The following TXNIP variants were observed in gnomAD, a reference collection of about 807,000 sequenced individuals.
TXNIP encodes the protein thioredoxin-interacting protein.
In TXNIP, 23 loss-of-function variants were observed where a neutral mutation model predicts 43.9. The ratio of observed to expected loss-of-function variants is 0.52; its 90% CI spans 0.38 to 0.74. The LOEUF is 0.74. Ranked by LOEUF, TXNIP falls within the 30% of genes least tolerant of loss-of-function variation. TXNIP has a pLI of 0.00. For missense variants in TXNIP, 555 were observed against 485.4 expected, an observed-to-expected ratio of 1.14 and a Z score of -1.35; for synonymous variants, 234 against 172.2, an observed-to-expected ratio of 1.36 and a Z score of -2.81.
At position 145,994,983 on chromosome 1, in the gene TXNIP, G is replaced by A. The variant is rs34791738; in HGVS notation, c.520C>T (p.Pro174Ser). 10,630 of 1,614,152 alleles carry A rather than the reference G, an allele frequency of 6.6e-3. 58 individuals are homozygous for A. The highest frequency in any genetic ancestry group is 8.2e-3 in the Non-Finnish European group (9,622 of 1,180,018). The stretch of plus-strand genomic sequence containing the variant: ...GCAGAGACAGACACCCGCCCATCAG[G>A]AATGAACATGCAGGAAACTTTCTTT... ...KEKKVSCMFIPDGRVSVSARI... is the reference protein window; with the variant it reads ...KEKKVSCMFISDGRVSVSARI... The change falls in exon 4 of 8, where the codon CCT (proline) becomes TCT (serine). Residue 174 changes from proline (P) to serine (S), a missense_variant. Pro to Ser is a moderately conservative substitution (Grantham distance 74). Coordinates refer to ENST00000582401, the MANE Select transcript of TXNIP (RefSeq NM_006472.6).
chr1:145,995,111 C>G, intron 3 of TXNIP, 33 bp downstream of exon 3: 1 of 1,613,632 alleles, frequency 6.2e-7, no homozygotes, highest in Non-Finnish European at 8.5e-7. Context: ...TCCTCATGAC[C>G]CAGGAGAATA....
rs1553765925 is a variant in TXNIP, at chr1:145,994,160, G to C, written c.996C>G (p.Pro332=). Residue 332 remains proline (P), a synonymous_variant, in exon 7 of 8, where the codon CCC becomes CCG. Coordinates refer to ENST00000582401, the MANE Select transcript of TXNIP (RefSeq NM_006472.6). The part of the protein sequence containing the change: ...LNIPDTPEAP[P]CYMDVIPEDH... ...CTTCAGGAATGACATCCATATAGCA[G>C]GGAGGAGCTAGAAAAGAAAATATGG... 6.2e-7 allele frequency: 1 copy of C among 1,613,962 alleles called. No homozygotes were observed. The highest frequency in any genetic ancestry group is 1.1e-5 in the South Asian group (1 of 91,062).
In TXNIP at chr1:145,995,328, A is replaced by G. The variant is rs781838486; in HGVS notation, c.324-37T>C. The G allele has an allele frequency of 1.2e-5, 19 of 1,610,338 alleles. No homozygotes were observed. The South Asian group carries it at 1.9e-4, about 16-fold the overall frequency. On this transcript the variant is annotated intron_variant, in intron 2 of 7. Coordinates refer to ENST00000582401, the MANE Select transcript of TXNIP (RefSeq NM_006472.6). ...AAATGAAAATTTTAAAACGCTCTCC[A>G]AGAACAGTAAGTGATCAAAGGAGGG...
At chr1:145,995,083 A>G (rs587666360) in intron 3 of TXNIP, 52 bp from the exon 4 acceptor site, 1 of 1,613,408 alleles carries the variant, frequency 6.2e-7, no homozygotes, top group East Asian at 2.2e-5. Context: ...TCTAATGCCC[A>G]AGACGTCTGA....
intron 1 of TXNIP, 189 bp from the exon 2 acceptor site, chr1:145,995,665 G>C: frequency 1.5e-6 from 1 of 654,136 alleles, no homozygotes; most frequent in Non-Finnish European, 2.7e-6. Flanking sequence ...CGGGCAGCAA[G>C]TTGCCAAGCC....
In TXNIP at chr1:145,993,645, C is replaced by CA. The variant is rs2101959705; in HGVS notation, c.*205dup. 1.8e-6 allele frequency: 1 copy of CA among 570,956 alleles called. No homozygotes were observed. Among genetic ancestry groups the CA allele is most frequent in the African/African-American group, 1.9e-5 (1 of 53,512 alleles). The allele number at this position is 570,956 out of a possible 1,614,324, so 35.4% of individuals were successfully genotyped here. ...ACCCATCCAACAAACACCCCTGTATCACAACATGGGCGCTGGCTGAGGATG... is the reference window on the plus strand; with the variant it reads ...ACCCATCCAACAAACACCCCTGTATCAACAACATGGGCGCTGGCTGAGGATG... On this transcript the variant is annotated 3_prime_UTR_variant, in exon 8 of 8. Coordinates refer to ENST00000582401, the MANE Select transcript of TXNIP (RefSeq NM_006472.6).
At chr1:145,994,504 T>A (rs1553766048) in intron 5 of TXNIP, 40 bp downstream of exon 5, 1 of 1,613,446 alleles carries the variant, frequency 6.2e-7, no homozygotes. Flanking sequence ...TGGTAACAGA[T>A]GAACAATTTC....
chr1:145,994,224 CA>C, intron 6 of TXNIP, 56 bp downstream of exon 6: 4 of 1,612,830 alleles, frequency 2.5e-6, no homozygotes, highest in Non-Finnish European at 3.4e-6. Flanking sequence ...TGGACCATCA[CA>C]ATTTTACAAA....
chr1:145,995,063 G>C, intron 3 of TXNIP, 32 bp from the exon 4 acceptor site: 1 of 1,613,532 alleles, frequency 6.2e-7, no homozygotes, highest in East Asian at 2.2e-5. Flanking sequence ...GGTGTTTTGA[G>C]ATGCTTCAAT....
Position 145,996,120 on chromosome 1 carries a change from G to A in TXNIP, c.147C>T (p.Cys49=), listed in dbSNP as rs1553766561. The A allele has an allele frequency of 2.5e-6, 4 of 1,613,988 alleles. No homozygotes were observed. Among genetic ancestry groups the A allele is most frequent in the South Asian group, 1.1e-5 (1 of 91,070 alleles). Residue 49 remains cysteine (C), a synonymous_variant, in exon 1 of 8, where the codon TGC becomes TGT. Transcript: ENST00000582401. The part of the protein sequence containing the change: ...TRVKAVRILA[C]GVAKVLWMQG... ...GCATCCAAAGCACTTTAGCCACTCC[G>A]CAAGCCAGGATCCTAACGGCTTTGA...
At chr1:145,995,120 T>C (rs587654812) in intron 3 of TXNIP, 24 bp downstream of exon 3, 6 of 1,613,922 alleles carry the variant, frequency 3.7e-6, no homozygotes, top group East Asian at 4.5e-5. Context: ...CCCAGGAGAA[T>C]AGAATCTTTA....
Position 145,994,996 on chromosome 1 carries a change from G to A in TXNIP, c.507C>T (p.Ser169=), listed in dbSNP as rs782818261. ...PVSAKKEKKV[S]CMFIPDGRVS... ...CCCGCCCATCAGGAATGAACATGCA[G>A]GAAACTTTCTTTTCTTTTTTAGCAG... Residue 169 remains serine, a synonymous_variant, in exon 4 of 8, where the codon TCC becomes TCT. Coordinates refer to ENST00000582401, the MANE Select transcript of TXNIP (RefSeq NM_006472.6). 4.3e-6 allele frequency: 7 copies of A among 1,614,122 alleles called. No individual in the cohort carries two copies. The highest frequency in any genetic ancestry group is 1.1e-5 in the South Asian group (1 of 91,088).
rs139816793 is a variant in TXNIP, at chr1:145,993,446, T to TA, written c.*404dup. 1 of 165,286 alleles carries TA rather than the reference T, an allele frequency of 6.1e-6. No individual in the cohort carries two copies. Among genetic ancestry groups the TA allele is most frequent in the Non-Finnish European group, 1.3e-5 (1 of 75,010 alleles). 10.2% of individuals were successfully genotyped at this position (165,286 alleles called of 1,614,324 possible). A position where few individuals can be genotyped will look rare whatever the true frequency, so the allele number is the denominator to read the frequency against. The stretch of plus-strand genomic sequence containing the variant: ...GTTAAATTGGCTCTTCTCCACATGA[T>TA]ACGTAAGTTCAAGGTCCAAAGTTCC... On this transcript the variant is annotated 3_prime_UTR_variant, in exon 8 of 8. Coordinates refer to ENST00000582401, the MANE Select transcript of TXNIP (RefSeq NM_006472.6).
rs1325670923 is a variant in TXNIP at position 145,992,440 on chromosome 1, T to C, written c.*1411A>G. Reference sequence around the variant, plus strand: ...CCAAAGCCATCTCACAGACATTTTTTTTTCCATTAAAAAAACTTTATTTTC... The same window carrying C: ...CCAAAGCCATCTCACAGACATTTTTCTTTCCATTAAAAAAACTTTATTTTC... On this transcript the variant is annotated 3_prime_UTR_variant, in exon 8 of 8. Coordinates refer to ENST00000582401, the MANE Select transcript of TXNIP (RefSeq NM_006472.6). 1 of 152,518 alleles carries C rather than the reference T, an allele frequency of 6.6e-6. No individual in the cohort carries two copies. Among genetic ancestry groups the C allele is most frequent in the East Asian group, 1.9e-4 (1 of 5,198 alleles). 9.4% of individuals were successfully genotyped at this position (152,518 alleles called of 1,614,324 possible).
chr1:145,994,201 G>GC, intron 6 of TXNIP, 34 bp from the exon 7 acceptor site: 1 of 1,612,936 alleles, frequency 6.2e-7, no homozygotes, highest in Non-Finnish European at 8.5e-7. Flanking sequence ...TAAGAATCCT[G>GC]CCCAAGAAAT....
intron 4 of TXNIP, 39 bp from the exon 5 acceptor site, chr1:145,994,839 A>ATAGTTAT (rs1553766163): frequency 6.2e-7 from 1 of 1,613,986 alleles, no homozygotes; most frequent in Admixed American, 1.7e-5. Flanking sequence ...GATACTCAGT[A>ATAGTTAT]TAGTTAATGA....
chr1:145,994,118 G>A lies in TXNIP; in HGVS notation c.1038C>T (p.Ser346=). The A allele has an allele frequency of 6.2e-7, 1 of 1,614,116 alleles. No individual in the cohort carries two copies. The highest frequency in any genetic ancestry group is 8.5e-7 in the Non-Finnish European group (1 of 1,180,018). The part of the protein sequence containing the change: ...DVIPEDHRLE[S]PTTPLLDDMD... ...TGTCATCTAGCAGAGGAGTGGTTGGGCTCTCCAATCGGTGATCTTCAGGAA... is the reference window on the plus strand; with the variant it reads ...TGTCATCTAGCAGAGGAGTGGTTGGACTCTCCAATCGGTGATCTTCAGGAA... The change falls in exon 7 of 8, where the codon AGC becomes AGT. Residue 346 remains serine (S), a synonymous_variant. Coordinates refer to ENST00000582401, the MANE Select transcript of TXNIP (RefSeq NM_006472.6).
At position 145,996,155 on chromosome 1, in the gene TXNIP, C is replaced by A. The variant is rs373384569; in HGVS notation, c.112G>T (p.Val38Phe). The change falls in exon 1 of 8, where the codon GTT becomes TTT. Residue 38 changes from valine to phenylalanine, a missense_variant. Val to Phe is a conservative substitution (Grantham distance 50). Coordinates refer to ENST00000582401, the MANE Select transcript of TXNIP (RefSeq NM_006472.6). Reference sequence around the variant, plus strand: ...ATCCTAACGGCTTTGACACGAGTAACTTCACACACCTCCACTATCACCCGG... The same window carrying A: ...ATCCTAACGGCTTTGACACGAGTAAATTCACACACCTCCACTATCACCCGG... ...AGRVIVEVCE[V>F]TRVKAVRILA... 6.2e-7 allele frequency: 1 copy of A among 1,613,988 alleles called. No individual in the cohort carries two copies.
At position 145,994,347 on chromosome 1, in the gene TXNIP, TG is replaced by T; in HGVS notation, c.921del (p.Ser308AlafsTer10). 1 of 1,614,226 alleles carries T rather than the reference TG, an allele frequency of 6.2e-7. No individual in the cohort carries two copies. Among genetic ancestry groups the T allele is most frequent in the East Asian group, 2.2e-5 (1 of 44,892 alleles). On this transcript the variant is annotated frameshift_variant, in exon 6 of 8. Transcript: ENST00000582401. LOFTEE classifies it high-confidence loss of function. ...TCAGAGCTGGTTCGGCTGGCCATGCTGGATGTTCTGCTGCTTAGACCTGATC... is the reference window on the plus strand; with the variant it reads ...TCAGAGCTGGTTCGGCTGGCCATGCTGATGTTCTGCTGCTTAGACCTGATC... The part of the protein sequence containing the change: ...GSRSGLSSRT[S>X]SMASRTSSEM...
Sources: gnomAD v4.1 joint callset for allele counts on GRCh38, gnomAD v4.1.1 for gene constraint, MANE v1.5 for transcripts, NCBI Gene and HGNC (gene_info 2026-07-23, HGNC 2026-07-21) for gene names.